Variants in TTLL11 observed in about 807,000 individuals in gnomAD.
TTLL11 encodes tubulin tyrosine ligase like 11.
Under a neutral mutation model 51.7 loss-of-function variants are expected in TTLL11, and 42 were observed. That is an observed-to-expected ratio of 0.81 (90% CI 0.64 to 1.05). The LOEUF is 1.05. Among genes scored for constraint, TTLL11 ranks in the 50% least tolerant of loss-of-function variants. The pLI is 0.00. For synonymous variants in TTLL11, 381 were observed against 383.5 expected (o/e 0.99, Z 0.08); for missense variants, 799 against 940.4 (o/e 0.85, Z 1.97).
chr9:121,955,427 A>T (rs1474070816), intron 6 of TTLL11, among the ~76,000 whole-genome samples: 1 of 152,180 alleles, frequency 6.6e-6, no homozygotes, highest in Non-Finnish European at 1.5e-5. Flanking sequence ...TCATAATATA[A>T]ATTTAGTATC....
intron 8 of TTLL11, among the ~76,000 whole-genome samples, chr9:121,855,340 AC>A (rs1837782051): frequency 6.6e-6 from 1 of 152,210 alleles, no homozygotes; most frequent in Admixed American, 6.5e-5. Context: ...ATTTATTTAA[AC>A]GGATTATTTG....
intron 1 of TTLL11, among the ~76,000 whole-genome samples, chr9:122,054,734 C>T (rs1051345134): frequency 6.6e-6 from 1 of 152,186 alleles, no homozygotes; most frequent in African/African-American, 2.4e-5. Flanking sequence ...TCTCCCAGTT[C>T]TCTACTTCCT....
chr9:121,871,132 G>A (rs938683972), intron 6 of TTLL11, among the ~76,000 whole-genome samples: 6 of 151,844 alleles, frequency 4.0e-5, no homozygotes, highest in South Asian at 2.1e-4. Context: ...GAGGACTGGC[G>A]AGAAGCCAGA....
chr9:122,066,283 G>A (rs973835525), intron 1 of TTLL11, among the ~76,000 whole-genome samples: 1 of 151,976 alleles, frequency 6.6e-6, no homozygotes, highest in Non-Finnish European at 1.5e-5. Context: ...TGATAATAAT[G>A]TCATCCAATT....
At chr9:122,076,840 T>C (rs1357384353) in intron 1 of TTLL11, among the ~76,000 whole-genome samples, 1 of 151,232 alleles carries the variant, frequency 6.6e-6, no homozygotes, top group Non-Finnish European at 1.5e-5. Flanking sequence ...TCCCAACAAA[T>C]CCCAAGAAGA....
rs182027869 is a variant in TTLL11 at position 122,062,177 on chromosome 9, C to G, written c.463-22809G>C. 1.5e-3 allele frequency among the ~76,000 whole-genome samples: 221 copies of G among 152,200 alleles called. 1 individual carries two copies. Among genetic ancestry groups the G allele is most frequent in the African/African-American group, 5.0e-3 (206 of 41,510 alleles). On this transcript the variant is annotated intron_variant, in intron 1 of 8. Coordinates refer to ENST00000321582, the MANE Select transcript of TTLL11 (RefSeq NM_001139442.2). ...CTTTGTTATTATACCTCAGAGTGCA[C>G]TGAGGGGCTCGATCTCTTACAAAAC... is the stretch of plus-strand genomic sequence containing the variant.
At chr9:121,837,141 T>A (rs571828503) in intron 8 of TTLL11, among the ~76,000 whole-genome samples, 1 of 152,206 alleles carries the variant, frequency 6.6e-6, no homozygotes, top group Non-Finnish European at 1.5e-5. Context: ...ATAGTATAGA[T>A]GTACCATGAG....
At chr9:121,846,816 T>A (rs1395741146) in intron 8 of TTLL11, among the ~76,000 whole-genome samples, 1 of 152,170 alleles carries the variant, frequency 6.6e-6, no homozygotes, top group East Asian at 1.9e-4. Context: ...AGCAATAGAT[T>A]AGACAAGAAG....
Position 122,093,116 on chromosome 9 carries a change from C to G in TTLL11, c.33G>C (p.Ala11=). The G allele has an allele frequency of 6.7e-7, 1 of 1,494,842 alleles. No homozygotes were observed. The highest frequency in any genetic ancestry group is 8.9e-7 in the Non-Finnish European group (1 of 1,129,080). 92.6% of individuals were successfully genotyped at this position (1,494,842 alleles called of 1,614,324 possible). The change falls in exon 1 of 9, where the codon GCG becomes GCC. Residue 11 remains alanine (A), a synonymous_variant. Coordinates refer to ENST00000321582, the MANE Select transcript of TTLL11 (RefSeq NM_001139442.2). MRRGSSESEL[A]ARWEAEAVAA... ...CCACCGCCTCCGCCTCCCACCGGGC[C>G]GCCAGCTCGCTCTCGGAGCTGCCCC...
intron 6 of TTLL11, among the ~76,000 whole-genome samples, chr9:121,960,512 C>T (rs1287496096): frequency 6.6e-6 from 1 of 152,136 alleles, no homozygotes; most frequent in East Asian, 1.9e-4. Context: ...TCCTTCCTGA[C>T]CCACATCTCC....
intron 6 of TTLL11, among the ~76,000 whole-genome samples, chr9:121,938,852 T>C (rs935383891): frequency 3.3e-5 from 5 of 152,090 alleles, no homozygotes; most frequent in Non-Finnish European, 5.9e-5. Context: ...CTGGTGGGAG[T>C]GTAGGTTAGT....
At chr9:121,850,697 C>G (rs1206919919) in intron 8 of TTLL11, among the ~76,000 whole-genome samples, 1 of 152,174 alleles carries the variant, frequency 6.6e-6, no homozygotes, top group African/African-American at 2.4e-5. Flanking sequence ...AGTTCACTAA[C>G]TCACACACCA....
At chr9:122,090,083 C>A (rs371523502) in intron 1 of TTLL11, among the ~76,000 whole-genome samples, 92 of 152,242 alleles carry the variant, frequency 6.0e-4, no homozygotes, top group African/African-American at 2.1e-3. Context: ...AAAAGCCTAC[C>A]CACTGGGGGT....
intron 3 of TTLL11, among the ~76,000 whole-genome samples, chr9:121,993,549 A>C (rs1843171430): frequency 6.6e-6 from 1 of 152,204 alleles, no homozygotes; most frequent in Admixed American, 6.5e-5. Context: ...ATTTATCTTG[A>C]TATCACCACA....
chr9:121,824,659 A>G (rs1008251921), intron 8 of TTLL11, among the ~76,000 whole-genome samples: 1 of 152,012 alleles, frequency 6.6e-6, no homozygotes, highest in African/African-American at 2.4e-5. Context: ...AGTCTTCCCA[A>G]TGTCCAAGTA....
intron 3 of TTLL11, among the ~76,000 whole-genome samples, chr9:122,021,959 G>T (rs7035900): frequency 0.98 from 149,960 of 152,312 alleles, 73,872 homozygotes; most frequent in Middle Eastern, 1. Flanking sequence ...ATGGAAGATA[G>T]TTAAAAAGAC....
At chr9:122,015,016 C>T (rs1843923185) in intron 3 of TTLL11, among the ~76,000 whole-genome samples, 1 of 152,146 alleles carries the variant, frequency 6.6e-6, no homozygotes, top group African/African-American at 2.4e-5. Flanking sequence ...TAACCGGGAG[C>T]AAGTACCTGT....
chr9:122,034,998 T>C (rs1370068519), intron 2 of TTLL11, among the ~76,000 whole-genome samples: 1 of 152,224 alleles, frequency 6.6e-6, no homozygotes, highest in Non-Finnish European at 1.5e-5. Flanking sequence ...ATAAGAAGGA[T>C]TTTACCCATT....
At chr9:121,838,781 A>AAAGCAAGCAAGC (rs55715366) in intron 8 of TTLL11, among the ~76,000 whole-genome samples, 58,470 of 139,780 alleles carry the variant, frequency 0.42, 12,602 homozygotes, top group East Asian at 0.53. Flanking sequence ...AGCAAGCAAG[A>AAAGCAAGCAAGC]AAGCAAGCAA....
Sources: allele counts gnomAD v4.1 joint callset (sites outside exome capture counted in the v4.1 genomes callset), GRCh38; gene constraint gnomAD v4.1.1; transcripts MANE v1.5; gene names NCBI Gene and HGNC (gene_info 2026-07-23, HGNC 2026-07-21).